The following NTRK2 variants were observed in gnomAD, a reference collection of about 807,000 sequenced individuals.
NTRK2 encodes neurotrophic receptor tyrosine kinase 2, also known as BDNF/NT-3 growth factors receptor.
NTRK2 carries 13 observed loss-of-function variants against 94.5 expected under a neutral mutation model. The ratio of observed to expected loss-of-function variants is 0.14; its 90% CI spans 0.09 to 0.22. NTRK2 has a LOEUF of 0.22. NTRK2 is among the 10% of genes least tolerant of loss of function. The pLI, the probability that NTRK2 is intolerant of heterozygous loss-of-function variation, is 1.00. For synonymous variants in NTRK2, 372 were observed against 407.4 expected (o/e 0.91, Z 1.05); for missense variants, 639 against 1,071.2 (o/e 0.60, Z 5.63).
intron 6 of NTRK2, among the ~76,000 whole-genome samples, chr9:84,713,243 TTC>T (rs1393401172): frequency 3.9e-5 from 6 of 152,182 alleles, no homozygotes; most frequent in African/African-American, 1.4e-4. Context: ...TGTAGGGTTT[TTC>T]TGTTTCTTTA....
chr9:84,744,896 C>T, intron 10 of NTRK2, 77 bp from the exon 11 acceptor site: 1 of 988,428 alleles, frequency 1.0e-6, no homozygotes, highest in South Asian at 1.3e-5. Context: ...CATTCTGGCT[C>T]TTACTGTGGC....
At chr9:84,800,545 C>T (rs561582411) in intron 12 of NTRK2, among the ~76,000 whole-genome samples, 50 of 152,128 alleles carry the variant, frequency 3.3e-4, no homozygotes, top group East Asian at 5.8e-4. Context: ...ATTCCTCAGT[C>T]GAGGAATGCA....
In NTRK2 at chr9:85,022,581, C is replaced by A. The variant is rs1198546587; in HGVS notation, c.*1144C>A. 1 of 233,068 alleles carries A rather than the reference C, an allele frequency of 4.3e-6. No homozygotes were observed. The highest frequency in any genetic ancestry group is 8.5e-6 in the Non-Finnish European group (1 of 118,034). The allele number at this position is 233,068 out of a possible 1,614,324, so 14.4% of individuals were successfully genotyped here. On this transcript the variant is annotated 3_prime_UTR_variant, in exon 19 of 19. Coordinates refer to ENST00000277120, the MANE Select transcript of NTRK2 (RefSeq NM_006180.6). ...TTTTCAGATCTCACTTCCCTCCGACCCCTAACTTCCATGCCCACCCGTCCT... is the reference window on the plus strand; with the variant it reads ...TTTTCAGATCTCACTTCCCTCCGACACCTAACTTCCATGCCCACCCGTCCT...
chr9:84,874,602 T>TCTCTAACCC, intron 14 of NTRK2: 1 of 1,062,430 alleles, frequency 9.4e-7, no homozygotes, highest in African/African-American at 1.6e-5. Context: ...AGAAACACTT[T>TCTCTAACCC]CTCTAACCCA....
chr9:84,674,758 T>C (rs562352940), intron 2 of NTRK2, among the ~76,000 whole-genome samples: 1 of 152,334 alleles, frequency 6.6e-6, no homozygotes, highest in East Asian at 1.9e-4. Flanking sequence ...AGACATCAGC[T>C]TGGCACAACT....
intron 17 of NTRK2, among the ~76,000 whole-genome samples, chr9:84,967,935 T>A (rs936112750): frequency 5.3e-5 from 8 of 152,220 alleles, no homozygotes; most frequent in Non-Finnish European, 2.9e-5. Flanking sequence ...TCTTCCCAGC[T>A]GTCTTAGGGC....
At chr9:84,957,431 G>A (rs1394554528) in intron 17 of NTRK2, among the ~76,000 whole-genome samples, 7 of 152,230 alleles carry the variant, frequency 4.6e-5, no homozygotes, top group Admixed American at 6.5e-5. Flanking sequence ...CACTCAATTC[G>A]AAAGTAGGAG....
chr9:84,993,704 C>T (rs1254889390), intron 17 of NTRK2, among the ~76,000 whole-genome samples: 1 of 152,208 alleles, frequency 6.6e-6, no homozygotes, highest in Non-Finnish European at 1.5e-5. Context: ...TCCTGGTTCA[C>T]ATATGACCCC....
At chr9:84,753,833 A>G (rs1172022578) in intron 12 of NTRK2, among the ~76,000 whole-genome samples, 2 of 152,228 alleles carry the variant, frequency 1.3e-5, no homozygotes, top group Non-Finnish European at 2.9e-5. Context: ...ATTTCATCCC[A>G]TGAGCTTTTT....
chr9:84,985,835 G>C (rs781463040), intron 17 of NTRK2, among the ~76,000 whole-genome samples: 32 of 152,196 alleles, frequency 2.1e-4, no homozygotes, highest in Non-Finnish European at 3.8e-4. Flanking sequence ...GTTTAATTAA[G>C]AAGTAGGACT....
At chr9:84,937,291 T>C (rs1412234738) in intron 15 of NTRK2, among the ~76,000 whole-genome samples, 1 of 152,234 alleles carries the variant, frequency 6.6e-6, no homozygotes, top group Admixed American at 6.5e-5. Flanking sequence ...TGACAGCCTT[T>C]CTGCTGTTGC....
intron 5 of NTRK2, among the ~76,000 whole-genome samples, chr9:84,708,269 TG>T (rs1225518842): frequency 6.6e-6 from 1 of 152,206 alleles, no homozygotes; most frequent in Non-Finnish European, 1.5e-5. Context: ...TGGTTCCTGT[TG>T]GATCCAGGCC....
At chr9:85,003,177 T>C (rs933788900) in intron 17 of NTRK2, among the ~76,000 whole-genome samples, 2 of 152,112 alleles carry the variant, frequency 1.3e-5, no homozygotes, top group Non-Finnish European at 1.5e-5. Flanking sequence ...GCTTCATTTG[T>C]GAGATCATTA....
Position 84,724,349 on chromosome 9 carries a change from T to C in NTRK2, c.846T>C (p.Thr282=), listed in dbSNP as rs200173511. ...AAGATCAAGATTCTGTCAACCTCAC[T>C]GTGCATTGTACGTAATCAGACTGGC... ...VGEDQDSVNL[T]VHFAPTITFL... is the part of the protein sequence containing the mutation. Residue 282 remains threonine (T), a synonymous_variant, in exon 8 of 19, where the codon ACT becomes ACC. Coordinates refer to ENST00000277120, the MANE Select transcript of NTRK2 (RefSeq NM_006180.6). 31 of 1,614,062 alleles carry C rather than the reference T, an allele frequency of 1.9e-5. No homozygotes were observed. Among genetic ancestry groups the C allele is most frequent in the Non-Finnish European group, 2.4e-5 (28 of 1,180,010 alleles).
intron 17 of NTRK2, among the ~76,000 whole-genome samples, chr9:85,015,068 TA>T (rs1358472994): frequency 6.6e-6 from 1 of 152,238 alleles, no homozygotes; most frequent in Non-Finnish European, 1.5e-5. Context: ...ATCTGGTTTT[TA>T]AAATTATGTT....
intron 12 of NTRK2, among the ~76,000 whole-genome samples, chr9:84,792,589 A>G (rs2133224390): frequency 6.6e-6 from 1 of 152,330 alleles, no homozygotes; most frequent in South Asian, 2.1e-4. Flanking sequence ...GAGCCATATG[A>G]ACTTGTCATT....
In NTRK2 at chr9:84,719,446, G is replaced by T. The variant is rs73482794; in HGVS notation, c.584-4127G>T. Among the ~76,000 whole-genome samples, 1,132 of 152,148 alleles carry T rather than the reference G, an allele frequency of 7.4e-3. 12 individuals are homozygous for T. The highest frequency in any genetic ancestry group is 0.026 in the African/African-American group (1,095 of 41,506). Reference sequence around the variant, plus strand: ...TGAGTTTGAAAAAAAACCCACATTAGATTTTATAGGAAAAATTAACATTAT... The same window carrying T: ...TGAGTTTGAAAAAAAACCCACATTATATTTTATAGGAAAAATTAACATTAT... On this transcript the variant is annotated intron_variant, in intron 6 of 18. Transcript: ENST00000277120.
intron 2 of NTRK2, among the ~76,000 whole-genome samples, chr9:84,693,089 T>C (rs1231035073): frequency 1.3e-5 from 2 of 152,192 alleles, no homozygotes; most frequent in African/African-American, 4.8e-5. Flanking sequence ...ACATGGAAAT[T>C]CAAAACTTTT....
chr9:84,719,782 G>T (rs1476843304), intron 6 of NTRK2, among the ~76,000 whole-genome samples: 1 of 152,054 alleles, frequency 6.6e-6, no homozygotes, highest in Non-Finnish European at 1.5e-5. Context: ...ACTTTGGGAG[G>T]CTGAGGCGGG....
Sources: allele counts gnomAD v4.1 joint callset (sites outside exome capture counted in the v4.1 genomes callset), GRCh38; gene constraint gnomAD v4.1.1; transcripts MANE v1.5; gene names NCBI Gene and HGNC (gene_info 2026-07-23, HGNC 2026-07-21).